Variants in ANKS1B observed in about 807,000 individuals in gnomAD.
The protein encoded by ANKS1B is ankyrin repeat and sterile alpha motif domain containing 1B.
ANKS1B carries 36 observed loss-of-function variants against 148.3 expected under a neutral mutation model. The observed-to-expected ratio is 0.24, with a 90% CI of 0.19 to 0.32. The LOEUF is 0.32. Among genes scored for constraint, ANKS1B ranks in the 10% least tolerant of loss-of-function variants. ANKS1B has a pLI of 1.00. For missense variants in ANKS1B, 1,157 were observed against 1,542.6 expected, an observed-to-expected ratio of 0.75 and a Z score of 4.19; for synonymous variants, 542 against 560.8, an observed-to-expected ratio of 0.97 and a Z score of 0.47.
chr12:98,818,764 G>C (rs1416266586), intron 19 of ANKS1B, among the ~76,000 whole-genome samples: 4 of 152,138 alleles, frequency 2.6e-5, no homozygotes, highest in African/African-American at 4.8e-5. Flanking sequence ...CTTGCAAAGT[G>C]AGGTTGTCAT....
At chr12:99,475,101 A>G (rs1419436659) in intron 10 of ANKS1B, among the ~76,000 whole-genome samples, 1 of 151,502 alleles carries the variant, frequency 6.6e-6, no homozygotes, top group Non-Finnish European at 1.5e-5. Context: ...AAAATTAGCT[A>G]GGCATGGTGG....
At chr12:99,452,460 T>C (rs1225732856) in intron 10 of ANKS1B, among the ~76,000 whole-genome samples, 1 of 152,220 alleles carries the variant, frequency 6.6e-6, no homozygotes, top group African/African-American at 2.4e-5. Context: ...GCATTATATC[T>C]AACACCAGGG....
intron 17 of ANKS1B, among the ~76,000 whole-genome samples, chr12:98,832,977 T>TA (rs759243308): frequency 1.4e-4 from 21 of 152,218 alleles, no homozygotes; most frequent in Non-Finnish European, 1.9e-4. Flanking sequence ...GTTGCAAAAT[T>TA]AGAGTCATCT....
At chr12:98,789,049 A>G (rs991311599) in intron 22 of ANKS1B, among the ~76,000 whole-genome samples, 2 of 152,238 alleles carry the variant, frequency 1.3e-5, no homozygotes, top group African/African-American at 4.8e-5. Flanking sequence ...AGTTGTACCC[A>G]GAATAGATGT....
At chr12:99,284,769 C>T (rs76159913) in intron 12 of ANKS1B, among the ~76,000 whole-genome samples, 10 of 152,228 alleles carry the variant, frequency 6.6e-5, no homozygotes, top group East Asian at 5.8e-4. Context: ...CTTGGAACAA[C>T]GTCCAAGCTC....
Position 99,984,222 on chromosome 12 carries a change from C to T in ANKS1B, c.16G>A (p.Glu6Lys). Residue 6 changes from glutamate (E) to lysine (K), a missense_variant, in exon 1 of 27, where the codon GAG becomes AAG. Around this residue, in one of 6 missense-constraint regions of ANKS1B, gnomAD observed 164 missense variants for 232.6 expected, o/e 0.71. Transcript: ENST00000683438. The stretch of plus-strand genomic sequence containing the variant: ...CCAGTGCGAGCAGCTTCCAGCAGCT[C>T]CTGGTCCTTCCCCATAGTCTCTCAC... Reference protein sequence around the residue: MGKDQELLEAARTGNV... With the variant: MGKDQKLLEAARTGNV... 1.9e-6 allele frequency: 3 copies of T among 1,613,634 alleles called. No individual in the cohort carries two copies. Among genetic ancestry groups the T allele is most frequent in the Non-Finnish European group, 2.5e-6 (3 of 1,179,680 alleles).
chr12:99,212,248 T>C (rs1441428272), intron 14 of ANKS1B, among the ~76,000 whole-genome samples: 2 of 152,216 alleles, frequency 1.3e-5, no homozygotes, highest in South Asian at 2.1e-4. Flanking sequence ...AAGTTTGCCA[T>C]GGTTTGGCTC....
At chr12:99,322,530 C>T (rs1470888615) in intron 12 of ANKS1B, among the ~76,000 whole-genome samples, 1 of 150,952 alleles carries the variant, frequency 6.6e-6, no homozygotes, top group Non-Finnish European at 1.5e-5. Context: ...AGATATGTCT[C>T]ATACAGGAAC....
intron 12 of ANKS1B, among the ~76,000 whole-genome samples, chr12:99,269,872 T>C (rs2076857945): frequency 1.3e-5 from 2 of 152,200 alleles, no homozygotes; most frequent in Admixed American, 1.3e-4. Context: ...TTGCTCATTA[T>C]TTTTAAAAGC....
intron 16 of ANKS1B, among the ~76,000 whole-genome samples, chr12:99,058,454 G>T (rs1379152583): frequency 6.6e-6 from 1 of 151,724 alleles, no homozygotes; most frequent in African/African-American, 2.4e-5. Context: ...TCACCGTGTT[G>T]CCCAGGCTGG....
intron 1 of ANKS1B, among the ~76,000 whole-genome samples, chr12:99,982,728 C>T (rs1263395756): frequency 1.3e-5 from 2 of 152,152 alleles, no homozygotes; most frequent in Non-Finnish European, 2.9e-5. Flanking sequence ...AGGGAGTACA[C>T]ACAAGTCATC....
At chr12:99,556,948 G>A (rs1217495406) in intron 9 of ANKS1B, among the ~76,000 whole-genome samples, 3 of 152,202 alleles carry the variant, frequency 2.0e-5, no homozygotes, top group Non-Finnish European at 2.9e-5. Flanking sequence ...TTCTGTAGAT[G>A]TCTATTAAGT....
Position 99,909,368 on chromosome 12 carries a change from T to A in ANKS1B, c.134+74736A>T, listed in dbSNP as rs116910830. ...TGCAATAAACATGGGAGCTCAGATATCTTGACAAGGTGCTGACTTCATTTC... is the reference window on the plus strand; with the variant it reads ...TGCAATAAACATGGGAGCTCAGATAACTTGACAAGGTGCTGACTTCATTTC... On this transcript the variant is annotated intron_variant, in intron 1 of 26. Transcript: ENST00000683438. Among the ~76,000 whole-genome samples the A allele has an allele frequency of 5.0e-3, 766 of 152,206 alleles. 2 individuals carry two copies. The highest frequency in any genetic ancestry group is 7.4e-3 in the Non-Finnish European group (504 of 68,014).
intron 17 of ANKS1B, among the ~76,000 whole-genome samples, chr12:98,870,331 T>C (rs769597266): frequency 2.4e-4 from 36 of 152,186 alleles, no homozygotes; most frequent in Non-Finnish European, 4.1e-4. Flanking sequence ...AGTAATACAC[T>C]GCAGTGAGGG....
In ANKS1B at chr12:99,916,117, A is replaced by G. The variant is rs948971224; in HGVS notation, c.134+67987T>C. On this transcript the variant is annotated intron_variant, in intron 1 of 26. Coordinates refer to ENST00000683438, the MANE Select transcript of ANKS1B (RefSeq NM_001352186.2). ...TTATTTATATTTGCAAAGAAGACCA[A>G]GAACTAAACAGAAGATCGATGTTCC... 5.3e-5 allele frequency among the ~76,000 whole-genome samples: 8 copies of G among 152,236 alleles called. 1 individual carries two copies. Among genetic ancestry groups the G allele is most frequent in the Admixed American group, 5.2e-4 (8 of 15,288 alleles).
chr12:98,757,918 A>ATGTGTGTGCATGTGTGCACGTGTG (rs1351644453), intron 25 of ANKS1B, among the ~76,000 whole-genome samples: 3 of 115,894 alleles, frequency 2.6e-5, no homozygotes, highest in African/African-American at 9.7e-5. Flanking sequence ...AGAGAGCTGC[A>ATGTGTGTGCATGTGTGCACGTGTG]TGTGTGTGCA....
At chr12:98,925,108 G>A (rs1173645123) in intron 17 of ANKS1B, among the ~76,000 whole-genome samples, 5 of 152,144 alleles carry the variant, frequency 3.3e-5, no homozygotes, top group Admixed American at 1.3e-4. Context: ...ACAGCAGAAT[G>A]GCATAATGTA....
At chr12:98,952,171 T>C (rs1465988487) in intron 17 of ANKS1B, among the ~76,000 whole-genome samples, 1 of 152,226 alleles carries the variant, frequency 6.6e-6, no homozygotes, top group African/African-American at 2.4e-5. Flanking sequence ...TAAAATTATT[T>C]ATGATTTCAT....
At chr12:99,971,432 A>C (rs1206083265) in intron 1 of ANKS1B, among the ~76,000 whole-genome samples, 2 of 152,236 alleles carry the variant, frequency 1.3e-5, no homozygotes, top group Non-Finnish European at 2.9e-5. Context: ...CTAGCAGTAA[A>C]ATATCTATAT....
Sources: allele counts gnomAD v4.1 joint callset (sites outside exome capture counted in the v4.1 genomes callset), GRCh38; gene constraint gnomAD v4.1.1; regional missense constraint gnomAD v4.1.1; transcripts MANE v1.5; gene names NCBI Gene and HGNC (gene_info 2026-07-23, HGNC 2026-07-21).